KDM3A: variants seen among roughly 807,000 people sequenced by gnomAD.
KDM3A encodes lysine demethylase 3A.
KDM3A carries 60 observed loss-of-function variants against 158.0 expected under a neutral mutation model. The ratio of observed to expected loss-of-function variants is 0.38; its 90% CI spans 0.31 to 0.47. The LOEUF (loss-of-function observed/expected upper bound fraction) is 0.47, where lower values mean the gene tolerates loss of function less well. Among genes scored for constraint, KDM3A ranks in the 20% least tolerant of loss-of-function variants. The pLI is 0.99. For missense variants in KDM3A, 1,319 were observed against 1,574.3 expected (o/e 0.84, Z 2.74); for synonymous variants, 608 against 549.3 (o/e 1.11, Z -1.49).
rs994901350 is a variant in KDM3A at position 86,441,441 on chromosome 2, C to G, written c.-34C>G. ...GCCGGTGACTCAGGGAGGCGGGAGGCGGGGTAAGAGCGCCGCGGCCTCGGC... is the reference window on the plus strand; with the variant it reads ...GCCGGTGACTCAGGGAGGCGGGAGGGGGGGTAAGAGCGCCGCGGCCTCGGC... On this transcript the variant is annotated 5_prime_UTR_variant, in exon 1 of 26. Coordinates refer to ENST00000312912, the MANE Select transcript of KDM3A (RefSeq NM_018433.6). 6.6e-6 allele frequency: 1 copy of G among 152,250 alleles called. No individual in the cohort carries two copies. The highest frequency in any genetic ancestry group is 1.5e-5 in the Non-Finnish European group (1 of 68,172). 9.4% of individuals were successfully genotyped at this position (152,250 alleles called of 1,614,324 possible).
intron 21 of KDM3A, 67 bp downstream of exon 21, chr2:86,485,926 T>C: frequency 3.2e-6 from 5 of 1,551,224 alleles, no homozygotes; most frequent in Non-Finnish European, 4.4e-6. Flanking sequence ...AAATTGATTT[T>C]GTGGGAGGGA....
intron 4 of KDM3A, among the ~76,000 whole-genome samples, chr2:86,451,841 G>A (rs1672483278): frequency 6.6e-6 from 1 of 152,098 alleles, no homozygotes; most frequent in African/African-American, 2.4e-5. Context: ...GTGTGTGTAT[G>A]GAAACACTTA....
upstream of KDM3A, chr2:86,440,717 G>C (rs936797962): frequency 2.6e-5 from 4 of 152,218 alleles, no homozygotes; most frequent in African/African-American, 9.7e-5. Context: ...TCCACGATCA[G>C]TACCACGTGC....
intron 25 of KDM3A, 50 bp from the exon 26 acceptor site, chr2:86,491,989 G>A (rs1674479230): frequency 8.3e-7 from 1 of 1,199,922 alleles, no homozygotes; most frequent in Non-Finnish European, 1.2e-6. Context: ...CTTAGTGACA[G>A]GTTTTAGATT....
At chr2:86,445,830 A>T (rs1436288058) in intron 2 of KDM3A, among the ~76,000 whole-genome samples, 1 of 152,250 alleles carries the variant, frequency 6.6e-6, no homozygotes, top group African/African-American at 2.4e-5. Flanking sequence ...ACATTTAGGC[A>T]TAAGAAGACA....
At chr2:86,458,124 G>T (rs956858144) in intron 8 of KDM3A, among the ~76,000 whole-genome samples, 1 of 152,150 alleles carries the variant, frequency 6.6e-6, no homozygotes, top group Non-Finnish European at 1.5e-5. Flanking sequence ...TGGGGAGTGG[G>T]CCAGGAAGCC....
chr2:86,486,323 G>C (rs915700103), intron 21 of KDM3A, among the ~76,000 whole-genome samples: 1 of 152,152 alleles, frequency 6.6e-6, no homozygotes, highest in Non-Finnish European at 1.5e-5. Flanking sequence ...CTTTGAGTTG[G>C]ACTTTTATTC....
chr2:86,478,272 C>G lies in KDM3A; in HGVS notation c.2188+7C>G, dbSNP rs1344999522. The G allele has an allele frequency of 6.3e-7, 1 of 1,587,336 alleles. No homozygotes were observed. The highest frequency in any genetic ancestry group is 8.7e-7 in the Non-Finnish European group (1 of 1,155,766). The stretch of plus-strand genomic sequence containing the variant: ...CAGATCATTCCTGGAAAAGGTATTT[C>G]ATGTGCTGCAGTGATTTTCTTTCCC... On this transcript the variant is annotated splice_region_variant and intron_variant, in intron 14 of 25. Coordinates refer to ENST00000312912, the MANE Select transcript of KDM3A (RefSeq NM_018433.6).
intron 3 of KDM3A, among the ~76,000 whole-genome samples, chr2:86,450,490 A>G (rs1672406713): frequency 6.6e-6 from 1 of 152,186 alleles, no homozygotes; most frequent in Non-Finnish European, 1.5e-5. Context: ...TAAAGATACT[A>G]TAAGTCAGTA....
chr2:86,458,885 A>T (rs1360171771), intron 8 of KDM3A, among the ~76,000 whole-genome samples: 1 of 152,128 alleles, frequency 6.6e-6, no homozygotes, highest in Non-Finnish European at 1.5e-5. Flanking sequence ...AGGGAAGGAC[A>T]TGAGAATAGA....
chr2:86,474,701 TTGTGTGTGTGTGTGTGTGTGTGTGTG>T, intron 11 of KDM3A, 49 bp from the exon 12 acceptor site: 4 of 427,002 alleles, frequency 9.4e-6, no homozygotes, highest in Non-Finnish European at 1.7e-5. Context: ...TGTAAATAAG[TTGTGTGTGTGTGTGTGTGTGTGTGTG>T]TGTGTGTGTG....
Position 86,485,690 on chromosome 2 carries a change from G to A in KDM3A, c.3183-39G>A, listed in dbSNP as rs756176416. The A allele has an allele frequency of 5.0e-6, 8 of 1,605,840 alleles. No individual in the cohort carries two copies. In the Admixed American group the frequency reaches 1.3e-4, roughly 27 times the overall value. On this transcript the variant is annotated intron_variant, in intron 20 of 25. Transcript: ENST00000312912. ...GGTTACACAATAATGAATTAGAAAAGCAATCTAACTTTGCAAATTCCTGGT... is the reference window on the plus strand; with the variant it reads ...GGTTACACAATAATGAATTAGAAAAACAATCTAACTTTGCAAATTCCTGGT...
chr2:86,491,712 A>G, intron 25 of KDM3A: 1 of 338,196 alleles, frequency 3.0e-6, no homozygotes, highest in Non-Finnish European at 5.5e-6. Context: ...GAATTATGTA[A>G]CATAATTTCA....
chr2:86,480,593 T>C (rs1367571535), intron 16 of KDM3A, among the ~76,000 whole-genome samples: 1 of 152,208 alleles, frequency 6.6e-6, no homozygotes, highest in Non-Finnish European at 1.5e-5. Context: ...AAGAGAAGAA[T>C]TGCAGGCCAC....
chr2:86,480,476 A>G lies in KDM3A; in HGVS notation c.2512+114A>G. 9.6e-6 allele frequency: 8 copies of G among 832,310 alleles called. No individual in the cohort carries two copies. In the South Asian group the frequency reaches 1.7e-4, roughly 18 times the overall value. The allele number at this position is 832,310 out of a possible 1,614,324, so 51.6% of individuals were successfully genotyped here. On this transcript the variant is annotated intron_variant, in intron 16 of 25. Transcript: ENST00000312912. ...GAATGGAAAGTGCTTCTCTGGAGTCATCCTGGAACCTGCCACAAATGAAAG... is the reference window on the plus strand; with the variant it reads ...GAATGGAAAGTGCTTCTCTGGAGTCGTCCTGGAACCTGCCACAAATGAAAG...
intron 2 of KDM3A, among the ~76,000 whole-genome samples, chr2:86,444,269 C>T (rs1415476127): frequency 2.0e-5 from 3 of 152,208 alleles, no homozygotes; most frequent in Non-Finnish European, 4.4e-5. Flanking sequence ...GTCTTCTCCA[C>T]TGCACTTTGG....
chr2:86,450,921 T>C (rs1424302103), intron 3 of KDM3A, among the ~76,000 whole-genome samples, 182 bp from the exon 4 acceptor site: 2 of 152,314 alleles, frequency 1.3e-5, no homozygotes, highest in East Asian at 3.9e-4. Flanking sequence ...GTTTAAATTA[T>C]TGGGTTTGAA....
chr2:86,454,586 A>G (rs1672607014), intron 4 of KDM3A, among the ~76,000 whole-genome samples: 1 of 152,168 alleles, frequency 6.6e-6, no homozygotes, highest in African/African-American at 2.4e-5. Flanking sequence ...ACAGTGTATT[A>G]TATAGTACAT....
At chr2:86,477,002 A>G (rs990994719) in intron 12 of KDM3A, among the ~76,000 whole-genome samples, 6 of 152,194 alleles carry the variant, frequency 3.9e-5, no homozygotes, top group Non-Finnish European at 7.3e-5. Flanking sequence ...TCTGTGACCC[A>G]CAGAAATGTC....
Sources: gnomAD v4.1 joint callset for allele counts (sites outside exome capture counted in the v4.1 genomes callset) on GRCh38, gnomAD v4.1.1 for gene constraint, MANE v1.5 for transcripts, NCBI Gene and HGNC (gene_info 2026-07-23, HGNC 2026-07-21) for gene names.